Variants in C11orf54 observed in about 807,000 individuals in gnomAD.
C11orf54 encodes beta-keto-L-gulonate decarboxylase.
A neutral mutation model predicts 35.5 loss-of-function variants in C11orf54; 29 were observed. The observed-to-expected ratio is 0.82, with a 90% CI of 0.61 to 1.11. C11orf54 has a LOEUF of 1.11. Ranked by LOEUF, C11orf54 falls within the 50% of genes most tolerant of loss-of-function variation. The pLI is 0.00. For missense variants in C11orf54, 373 were observed against 369.2 expected (o/e 1.01, Z -0.08); for synonymous variants, 108 against 121.1 (o/e 0.89, Z 0.71).
At position 93,762,930 on chromosome 11, in the gene C11orf54, G is replaced by C. The variant is rs1462003646; in HGVS notation, c.*1242G>C. The C allele has an allele frequency of 6.6e-6, 1 of 152,174 alleles. No homozygotes were observed. Among genetic ancestry groups the C allele is most frequent in the Non-Finnish European group, 1.5e-5 (1 of 68,030 alleles). The allele number at this position is 152,174 out of a possible 1,614,324, so 9.4% of individuals were successfully genotyped here. ...TGGTGCTAATGGCAATCTAGCTAAT[G>C]TGCAAATTTAGGAAGTCTTCAGTAC... On this transcript the variant is annotated 3_prime_UTR_variant, in exon 9 of 9. Transcript: ENST00000354421.
intron 7 of C11orf54, 94 bp from the exon 8 acceptor site, chr11:93,759,648 A>C: frequency 1.8e-6 from 1 of 541,064 alleles, no homozygotes; most frequent in Middle Eastern, 5.9e-4. Context: ...AGTATAATTA[A>C]ACAATAATAA....
rs1943580298 is a variant in C11orf54 at position 93,764,559 on chromosome 11, C to T, written c.*2871C>T. 1 of 152,138 alleles carries T rather than the reference C, an allele frequency of 6.6e-6. No homozygotes were observed. The highest frequency in any genetic ancestry group is 2.4e-5 in the African/African-American group (1 of 41,432). The allele number at this position is 152,138 out of a possible 1,614,324, so 9.4% of individuals were successfully genotyped here. A position where few individuals can be genotyped will look rare whatever the true frequency, so the allele number is the denominator to read the frequency against. ...GCTTGGAGACCAGGTACATTCACAC[C>T]ATCTAATAGAGATGGGGGAAAAGAT... is the stretch of plus-strand genomic sequence containing the variant. On this transcript the variant is annotated 3_prime_UTR_variant, in exon 9 of 9. Coordinates refer to ENST00000354421, the MANE Select transcript of C11orf54 (RefSeq NM_001286069.2).
At chr11:93,742,730 C>A (rs1270039494) in intron 1 of C11orf54, 1 of 152,156 alleles carries the variant, frequency 6.6e-6, no homozygotes, top group Non-Finnish European at 1.5e-5. Flanking sequence ...TTGGACAATT[C>A]CGGGGATAAA....
chr11:93,761,526 G>A lies in C11orf54; in HGVS notation c.786G>A (p.Leu262=), dbSNP rs571580133. The A allele has an allele frequency of 5.0e-6, 8 of 1,604,808 alleles. No homozygotes were observed. In the African/African-American group the frequency reaches 5.4e-5, roughly 11 times the overall value. The stretch of plus-strand genomic sequence containing the variant: ...GTCTGTTATCTTAGGGGTTTGATTT[G>A]CGACTGGAGCACACTCATTTTTTTA... ...VFVSRDPGFD[L]RLEHTHFFSR... is the part of the protein sequence containing the mutation. Residue 262 remains leucine (L), a synonymous_variant, in exon 9 of 9, where the codon TTG becomes TTA. Transcript: ENST00000354421.
chr11:93,760,820 G>C (rs372931118), intron 8 of C11orf54, among the ~76,000 whole-genome samples: 3 of 151,788 alleles, frequency 2.0e-5, no homozygotes, highest in Admixed American at 2.0e-4. Context: ...CACCACACCC[G>C]GCTAATTTTT....
intron 1 of C11orf54, chr11:93,746,228 G>C (rs1942466629): frequency 6.6e-6 from 1 of 152,186 alleles, no homozygotes; most frequent in Admixed American, 6.5e-5. Context: ...TATTTCAAAT[G>C]GCTGAAGATC....
Position 93,758,332 on chromosome 11 carries a change from C to G in C11orf54, c.657+867C>G, listed in dbSNP as rs142272201. 5.7e-3 allele frequency among the ~76,000 whole-genome samples: 867 copies of G among 152,330 alleles called. 13 individuals are homozygous for G. The highest frequency in any genetic ancestry group is 0.02 in the African/African-American group (821 of 41,584). ...CATCCCTGTGCTCTCCCAGTGGGAA[C>G]AGGCGAGAGCCCCAACTGCCCAGGC... is the stretch of plus-strand genomic sequence containing the variant. On this transcript the variant is annotated intron_variant, in intron 7 of 8. Transcript: ENST00000354421.
At chr11:93,758,465 TGCGGACCCAG>T (rs1943278413) in intron 7 of C11orf54, among the ~76,000 whole-genome samples, 1 of 152,202 alleles carries the variant, frequency 6.6e-6, no homozygotes, top group Non-Finnish European at 1.5e-5. Context: ...AAACCGTGGC[TGCGGACCCAG>T]GCATTCCTGC....
In C11orf54 at chr11:93,763,672, C is replaced by T. The variant is rs1943560534; in HGVS notation, c.*1984C>T. On this transcript the variant is annotated 3_prime_UTR_variant, in exon 9 of 9. Coordinates refer to ENST00000354421, the MANE Select transcript of C11orf54 (RefSeq NM_001286069.2). Reference sequence around the variant, plus strand: ...TCAGGAGGCTGAGGCACGAGAATCACTTGAGCCCAGAAGTTGGAGGCTACA... The same window carrying T: ...TCAGGAGGCTGAGGCACGAGAATCATTTGAGCCCAGAAGTTGGAGGCTACA... The T allele has an allele frequency of 6.6e-6, 1 of 152,168 alleles. No homozygotes were observed. The highest frequency in any genetic ancestry group is 2.1e-4 in the South Asian group (1 of 4,834). 9.4% of individuals were successfully genotyped at this position (152,168 alleles called of 1,614,324 possible).
intron 6 of C11orf54, among the ~76,000 whole-genome samples, chr11:93,756,837 TGAGATAA>T (rs1468558634): frequency 6.6e-6 from 1 of 152,192 alleles, no homozygotes; most frequent in Non-Finnish European, 1.5e-5. Context: ...TCAGCTACTT[TGAGATAA>T]GAGATTGAGA....
Position 93,750,371 on chromosome 11 carries a change from C to A in C11orf54, c.81C>A (p.Asn27Lys), listed in dbSNP as rs138613126. The change falls in exon 3 of 9, where the codon AAC becomes AAA. Residue 27 changes from asparagine (N) to lysine (K), a missense_variant. By Grantham distance (94) the Asn-to-Lys change is moderately conservative. Transcript: ENST00000354421. ...TTATGCAGAAGGGGTTAAAAGATAA[C>A]TTTGCTGATGTCCAGGTCTCTGTAG... is the stretch of plus-strand genomic sequence containing the variant. ...AGVMQKGLKD[N>K]FADVQVSVVD... 1.2e-5 allele frequency: 20 copies of A among 1,613,674 alleles called. No homozygotes were observed. The highest frequency in any genetic ancestry group is 1.7e-5 in the Non-Finnish European group (20 of 1,179,748).
At chr11:93,753,564 T>C in intron 3 of C11orf54, 118 bp from the exon 4 acceptor site, 1 of 837,784 alleles carries the variant, frequency 1.2e-6, no homozygotes, top group East Asian at 2.6e-5. Context: ...CCAATCCCTG[T>C]TATTTGTAAA....
intron 1 of C11orf54, among the ~76,000 whole-genome samples, chr11:93,745,192 A>G (rs1394972399): frequency 6.6e-6 from 1 of 152,206 alleles, no homozygotes; most frequent in Non-Finnish European, 1.5e-5. Flanking sequence ...TGCGGGAAAC[A>G]GAGGCCTTCC....
In C11orf54 at chr11:93,759,759, C is replaced by G; in HGVS notation, c.675C>G (p.Ser225=). The stretch of plus-strand genomic sequence containing the variant: ...TGTTGTAGCCTGCAGAATTTTCTTC[C>G]TGCCCCTTGAACTCTGATGAAGAAG... The part of the protein sequence containing the change: ...KSHIMPAEFS[S]CPLNSDEEVN... Residue 225 remains serine (S), a synonymous_variant, in exon 8 of 9, where the codon TCC becomes TCG. Coordinates refer to ENST00000354421, the MANE Select transcript of C11orf54 (RefSeq NM_001286069.2). The G allele has an allele frequency of 6.3e-7, 1 of 1,599,578 alleles. No homozygotes were observed. The highest frequency in any genetic ancestry group is 8.5e-7 in the Non-Finnish European group (1 of 1,170,778).
intron 2 of C11orf54, among the ~76,000 whole-genome samples, chr11:93,749,569 T>A (rs892775063): frequency 2.7e-5 from 4 of 148,778 alleles, no homozygotes; most frequent in Non-Finnish European, 5.9e-5. Flanking sequence ...ATCCCAGCAC[T>A]TTGGGGGACC....
Position 93,753,695 on chromosome 11 carries a change from A to C in C11orf54, c.168A>C (p.Lys56Asn), listed in dbSNP as rs1942966865. 3 of 1,613,910 alleles carry C rather than the reference A, an allele frequency of 1.9e-6. No individual in the cohort carries two copies. The highest frequency in any genetic ancestry group is 2.5e-6 in the Non-Finnish European group (3 of 1,179,956). Residue 56 changes from lysine (K) to asparagine (N), a missense_variant, in exon 4 of 9, where the codon AAA becomes AAC. By Grantham distance (94) the Lys-to-Asn change is moderately conservative (BLOSUM62 0). Transcript: ENST00000354421. ...FTFPVKGICGKTRIAEVGGVP... is the reference protein window; with the variant it reads ...FTFPVKGICGNTRIAEVGGVP... ...GTTTTTTCTTAGGCATCTGTGGGAA[A>C]ACTAGAATTGCAGAAGTTGGAGGTG...
At chr11:93,745,263 GTCTT>G (rs1565255396) in intron 1 of C11orf54, among the ~76,000 whole-genome samples, 1 of 152,082 alleles carries the variant, frequency 6.6e-6, no homozygotes. Flanking sequence ...GGACGGTTAG[GTCTT>G]TCCCTTCCCA....
chr11:93,750,320 A>T lies in C11orf54; in HGVS notation c.56-26A>T, dbSNP rs185149456. ...TAGCCAAGTTTTTACCTAATGTTAAATAATCTTATTCCTTGTCTTTATTAG... is the reference window on the plus strand; with the variant it reads ...TAGCCAAGTTTTTACCTAATGTTAATTAATCTTATTCCTTGTCTTTATTAG... On this transcript the variant is annotated intron_variant, in intron 2 of 8. Transcript: ENST00000354421. The T allele has an allele frequency of 1.3e-5, 21 of 1,597,246 alleles. No homozygotes were observed. In the East Asian group the frequency reaches 4.7e-4, roughly 36 times the overall value.
chr11:93,743,114 C>A (rs1232125201), intron 1 of C11orf54, among the ~76,000 whole-genome samples: 1 of 151,478 alleles, frequency 6.6e-6, no homozygotes, highest in South Asian at 2.1e-4. Context: ...GATCCACCCA[C>A]CTCAGCTTCC....
Sources: allele counts gnomAD v4.1 joint callset (sites outside exome capture counted in the v4.1 genomes callset), GRCh38; gene constraint gnomAD v4.1.1; transcripts MANE v1.5; gene names NCBI Gene and HGNC (gene_info 2026-07-23, HGNC 2026-07-21).